The following PPP1R9A variants were observed in gnomAD, a reference collection of about 807,000 sequenced individuals.
PPP1R9A encodes neurabin-1.
A neutral mutation model predicts 141.9 loss-of-function variants in PPP1R9A; 59 were observed. That is an observed-to-expected ratio of 0.42 (90% CI 0.34 to 0.52). PPP1R9A has a LOEUF of 0.52. Among genes scored for constraint, PPP1R9A ranks in the 20% least tolerant of loss-of-function variants. The pLI, the probability that PPP1R9A is intolerant of heterozygous loss-of-function variation, is 0.10. For missense variants in PPP1R9A, 1,444 were observed against 1,611.9 expected (o/e 0.90, Z 1.78); for synonymous variants, 500 against 569.7 (o/e 0.88, Z 1.74).
intron 12 of PPP1R9A, among the ~76,000 whole-genome samples, chr7:95,263,580 C>T (rs1268426431): frequency 6.6e-6 from 1 of 151,938 alleles, no homozygotes; most frequent in Non-Finnish European, 1.5e-5. Flanking sequence ...CACGCCATCA[C>T]ACCTGGCTAA....
In PPP1R9A at chr7:95,244,825, A is replaced by G. The variant is rs1797900909; in HGVS notation, c.2113-2648A>G. ...TAGCTGAGTTTATTGAGGACATACT[A>G]TATGCTAGCCACTGTGCTAAGTGCT... is the stretch of plus-strand genomic sequence containing the variant. On this transcript the variant is annotated intron_variant, in intron 8 of 19. Transcript: ENST00000433360. Among the ~76,000 whole-genome samples the G allele has an allele frequency of 1.3e-5, 2 of 152,164 alleles. 1 individual carries two copies. The highest frequency in any genetic ancestry group is 4.1e-4 in the South Asian group (2 of 4,836).
intron 2 of PPP1R9A, among the ~76,000 whole-genome samples, chr7:95,091,650 C>T (rs1038371847): frequency 6.6e-6 from 1 of 151,670 alleles, no homozygotes; most frequent in Non-Finnish European, 1.5e-5. Context: ...AGCCTTAAAT[C>T]TTTGTAGATG....
chr7:94,975,362 T>G (rs1196434173), intron 2 of PPP1R9A, among the ~76,000 whole-genome samples: 3 of 147,854 alleles, frequency 2.0e-5, no homozygotes, highest in African/African-American at 7.4e-5. Flanking sequence ...TTTTGTTTTT[T>G]TTTTTTTTTT....
chr7:94,911,324 A>G lies in PPP1R9A; in HGVS notation c.1211A>G (p.Tyr404Cys), dbSNP rs761074322. The change falls in exon 2 of 20, where the codon TAT becomes TGT. Residue 404 changes from tyrosine (Y) to cysteine (C), a missense_variant. Around this residue, in one of 5 missense-constraint regions of PPP1R9A, gnomAD observed 490 missense variants for 521.1 expected, o/e 0.94. Transcript: ENST00000433360. ...HVYMHSDYNV[Y>C]RVRSRYNSDW... is the part of the protein sequence containing the mutation. Reference sequence around the variant, plus strand: ...TACATGCACAGTGACTATAATGTGTATAGGGTGAGATCCAGGTATAATTCA... The same window carrying G: ...TACATGCACAGTGACTATAATGTGTGTAGGGTGAGATCCAGGTATAATTCA... 6.8e-6 allele frequency: 11 copies of G among 1,614,166 alleles called. No homozygotes were observed. The highest frequency in any genetic ancestry group is 1.1e-5 in the South Asian group (1 of 91,076).
intron 4 of PPP1R9A, among the ~76,000 whole-genome samples, chr7:95,160,571 C>T (rs1830331282): frequency 6.6e-6 from 1 of 151,174 alleles, no homozygotes; most frequent in African/African-American, 2.4e-5. Flanking sequence ...AGATTTGTTA[C>T]CTGGGTATAT....
intron 6 of PPP1R9A, among the ~76,000 whole-genome samples, chr7:95,203,331 T>G (rs925992337): frequency 1.3e-5 from 2 of 152,114 alleles, no homozygotes; most frequent in African/African-American, 4.8e-5. Context: ...ATTTATGTTA[T>G]AAAAAGTGTT....
intron 2 of PPP1R9A, among the ~76,000 whole-genome samples, chr7:94,984,690 T>A (rs1800577163): frequency 6.6e-6 from 1 of 152,164 alleles, no homozygotes; most frequent in Non-Finnish European, 1.5e-5. Context: ...CCCTTTATCA[T>A]TTTTTATTGC....
chr7:94,951,832 C>T (rs1213537111), intron 2 of PPP1R9A, among the ~76,000 whole-genome samples: 2 of 148,774 alleles, frequency 1.3e-5, no homozygotes, highest in East Asian at 4.0e-4. Context: ...CCTCTAAGAC[C>T]ATTTAGGACT....
At chr7:95,261,236 A>G (rs1438543426) in intron 12 of PPP1R9A, among the ~76,000 whole-genome samples, 1 of 152,190 alleles carries the variant, frequency 6.6e-6, no homozygotes, top group Non-Finnish European at 1.5e-5. Context: ...AGCATCTGTA[A>G]AGTTAAAACT....
At position 94,985,332 on chromosome 7, in the gene PPP1R9A, A is replaced by G. The variant is rs529807022; in HGVS notation, c.1395+73824A>G. On this transcript the variant is annotated intron_variant, in intron 2 of 19. Transcript: ENST00000433360. ...GGGGTGGAGAGTTCTGTAGATGTCT[A>G]TTAGGTCTGCTTGGTGCAGAGCTGA... is the stretch of plus-strand genomic sequence containing the variant. 3.6e-3 allele frequency among the ~76,000 whole-genome samples: 541 copies of G among 152,292 alleles called. 5 individuals carry two copies. Among genetic ancestry groups the G allele is most frequent in the African/African-American group, 0.012 (514 of 41,572 alleles).
chr7:95,057,315 TAAAG>T (rs1811634802), intron 2 of PPP1R9A, among the ~76,000 whole-genome samples: 1 of 151,962 alleles, frequency 6.6e-6, no homozygotes, highest in Non-Finnish European at 1.5e-5. Context: ...AAGCAAATAA[TAAAG>T]AAAAGAAAAG....
intron 2 of PPP1R9A, among the ~76,000 whole-genome samples, chr7:94,914,862 G>A (rs1791876920): frequency 6.6e-6 from 1 of 152,132 alleles, no homozygotes; most frequent in Admixed American, 6.5e-5. Context: ...CTGCTGGTCG[G>A]TGGGACGTGT....
At chr7:95,239,981 G>A (rs1797222672) in intron 8 of PPP1R9A, among the ~76,000 whole-genome samples, 1 of 151,926 alleles carries the variant, frequency 6.6e-6, no homozygotes, top group African/African-American at 2.4e-5. Context: ...ACAACAGATA[G>A]TTATACTCTC....
chr7:95,021,844 C>G (rs1312443437), intron 2 of PPP1R9A, among the ~76,000 whole-genome samples: 1 of 152,126 alleles, frequency 6.6e-6, no homozygotes, highest in African/African-American at 2.4e-5. Flanking sequence ...TGTTTTTGTA[C>G]CAGTACCATG....
chr7:95,240,761 C>T (rs1797339781), intron 8 of PPP1R9A, among the ~76,000 whole-genome samples: 1 of 152,056 alleles, frequency 6.6e-6, no homozygotes, highest in Admixed American at 6.6e-5. Flanking sequence ...ACTTTCTCTT[C>T]AGCCTAGAAT....
intron 4 of PPP1R9A, among the ~76,000 whole-genome samples, chr7:95,139,927 T>G (rs757009861): frequency 6.6e-6 from 1 of 152,042 alleles, no homozygotes; most frequent in African/African-American, 2.4e-5. Context: ...GCTAGAAGAC[T>G]TTTTGTTTTT....
Position 95,124,860 on chromosome 7 carries a change from C to A in PPP1R9A, c.1649+4028C>A, listed in dbSNP as rs543586340. Among the ~76,000 whole-genome samples, 4 of 152,086 alleles carry A rather than the reference C, an allele frequency of 2.6e-5. No individual in the cohort carries two copies. The East Asian group carries it at 7.7e-4, about 29-fold the overall frequency. ...CCTCCTTCCTGCCCCCACAAGAAGC[C>A]TTTTCATTGTGATCGTTTGTATTCC... On this transcript the variant is annotated intron_variant, in intron 4 of 19. Coordinates refer to ENST00000433360, the MANE Select transcript of PPP1R9A (RefSeq NM_001166160.2).
chr7:95,119,302 A>C (rs530430303), intron 3 of PPP1R9A, among the ~76,000 whole-genome samples: 1 of 152,354 alleles, frequency 6.6e-6, no homozygotes, highest in African/African-American at 2.4e-5. Context: ...AATTAAAAAA[A>C]AAAGTCACAC....
At chr7:94,985,507 C>G (rs573359833) in intron 2 of PPP1R9A, among the ~76,000 whole-genome samples, 13 of 152,194 alleles carry the variant, frequency 8.5e-5, no homozygotes, top group African/African-American at 2.9e-4. Context: ...CTGGGTGCTC[C>G]TGTATTGGAT....
Sources: gnomAD v4.1 joint callset for allele counts (sites outside exome capture counted in the v4.1 genomes callset) on GRCh38, gnomAD v4.1.1 for gene constraint, gnomAD v4.1.1 regional missense constraint, MANE v1.5 for transcripts, NCBI Gene and HGNC (gene_info 2026-07-23, HGNC 2026-07-21) for gene names.